The following FBXL7 variants were observed in gnomAD, a reference collection of about 807,000 sequenced individuals.
The protein encoded by FBXL7 is F-box/LRR-repeat protein 7.
A neutral mutation model predicts 38.3 loss-of-function variants in FBXL7; 12 were observed. The ratio of observed to expected loss-of-function variants is 0.31; its 90% CI spans 0.20 to 0.51. The LOEUF is 0.51. FBXL7 is among the 20% of genes least tolerant of loss of function. The probability of loss-of-function intolerance (pLI) is 0.98; values close to 1 mark genes in which losing one functional copy is unlikely to be tolerated. For synonymous variants in FBXL7, 297 were observed against 300.9 expected (o/e 0.99, Z 0.13); for missense variants, 567 against 676.4 (o/e 0.84, Z 1.79).
At chr5:15,934,521 AT>A (rs1045321523) in intron 3 of FBXL7, among the ~76,000 whole-genome samples, 6 of 152,158 alleles carry the variant, frequency 3.9e-5, no homozygotes, top group East Asian at 1.9e-4. Context: ...ATGCATACAT[AT>A]TTTTTAGGAG....
chr5:15,568,011 G>A (rs539769487), intron 1 of FBXL7, among the ~76,000 whole-genome samples: 66 of 152,110 alleles, frequency 4.3e-4, no homozygotes, highest in Admixed American at 1.6e-3. Context: ...GGACATTTGG[G>A]TTGGTTCCAA....
At chr5:15,706,764 A>T (rs371006973) in intron 2 of FBXL7, among the ~76,000 whole-genome samples, 1 of 152,300 alleles carries the variant, frequency 6.6e-6, no homozygotes, top group South Asian at 2.1e-4. Flanking sequence ...GTCTGATTTA[A>T]ATAATGGGTG....
intron 1 of FBXL7, among the ~76,000 whole-genome samples, chr5:15,613,646 G>A (rs1457819130): frequency 2.0e-5 from 3 of 152,058 alleles, no homozygotes; most frequent in African/African-American, 4.8e-5. Context: ...CTCCTCAAGT[G>A]ATATTAACCA....
At chr5:15,815,365 G>A (rs1338636788) in intron 2 of FBXL7, among the ~76,000 whole-genome samples, 3 of 152,162 alleles carry the variant, frequency 2.0e-5, no homozygotes, top group Non-Finnish European at 2.9e-5. Context: ...CTTTATGGAC[G>A]CATTATGCAG....
chr5:15,704,199 T>C (rs1743612207), intron 2 of FBXL7, among the ~76,000 whole-genome samples: 1 of 152,188 alleles, frequency 6.6e-6, no homozygotes, highest in African/African-American at 2.4e-5. Flanking sequence ...AGTCACCAAA[T>C]TTAAATGTTG....
At chr5:15,747,664 G>C (rs1159808676) in intron 2 of FBXL7, among the ~76,000 whole-genome samples, 2 of 152,192 alleles carry the variant, frequency 1.3e-5, no homozygotes, top group Non-Finnish European at 2.9e-5. Flanking sequence ...AAATATCTAT[G>C]CACAATGGTT....
intron 2 of FBXL7, among the ~76,000 whole-genome samples, chr5:15,628,871 A>G (rs757031187): frequency 3.3e-5 from 5 of 152,096 alleles, no homozygotes; most frequent in Non-Finnish European, 7.4e-5. Context: ...ATTTCCTGCT[A>G]TAAAACCACC....
At position 15,673,356 on chromosome 5, in the gene FBXL7, A is replaced by G. The variant is rs55881931; in HGVS notation, c.127+57284A>G. ...AGAAAAAAAACCATTGAAGTTAGAG[A>G]AAAATGCTAAATAATCAGATTGAAA... is the stretch of plus-strand genomic sequence containing the variant. On this transcript the variant is annotated intron_variant, in intron 2 of 3. Transcript: ENST00000504595. Among the ~76,000 whole-genome samples, 1,205 of 152,216 alleles carry G rather than the reference A, an allele frequency of 7.9e-3. 7 individuals carry two copies. The highest frequency in any genetic ancestry group is 0.011 in the Non-Finnish European group (776 of 67,994).
chr5:15,603,857 C>A (rs1236486877), intron 1 of FBXL7, among the ~76,000 whole-genome samples: 1 of 152,106 alleles, frequency 6.6e-6, no homozygotes, highest in East Asian at 1.9e-4. Context: ...ACGTGTGGGG[C>A]CAGGTGTGGT....
intron 2 of FBXL7, among the ~76,000 whole-genome samples, chr5:15,737,116 C>G (rs1735777308): frequency 6.6e-6 from 1 of 152,088 alleles, no homozygotes; most frequent in Non-Finnish European, 1.5e-5. Context: ...AGCCCCAGCC[C>G]CCTCATTCCA....
intron 2 of FBXL7, among the ~76,000 whole-genome samples, chr5:15,737,666 A>G (rs1561106340): frequency 6.6e-6 from 1 of 152,216 alleles, no homozygotes; most frequent in Non-Finnish European, 1.5e-5. Flanking sequence ...CTTCATGGTA[A>G]TCGTGGAGAT....
chr5:15,733,495 A>G (rs1235572735), intron 2 of FBXL7, among the ~76,000 whole-genome samples: 1 of 152,242 alleles, frequency 6.6e-6, no homozygotes, highest in Non-Finnish European at 1.5e-5. Context: ...CATGAATCTG[A>G]CAAATATTCA....
At chr5:15,774,973 C>A (rs968274401) in intron 2 of FBXL7, among the ~76,000 whole-genome samples, 1 of 152,158 alleles carries the variant, frequency 6.6e-6, no homozygotes, top group Admixed American at 6.5e-5. Context: ...AGTGCCTGAG[C>A]ATTAAATGGA....
Position 15,652,678 on chromosome 5 carries a change from A to T in FBXL7, c.127+36606A>T, listed in dbSNP as rs536023250. On this transcript the variant is annotated intron_variant, in intron 2 of 3. Transcript: ENST00000504595. ...GATGTGTGACTCTTCCCATCACTTG[A>T]ATACTTAGAAGCCATGATAGGGTTA... Among the ~76,000 whole-genome samples, 17 of 152,298 alleles carry T rather than the reference A, an allele frequency of 1.1e-4. No individual in the cohort carries two copies. The East Asian group carries it at 3.3e-3, about 29-fold the overall frequency.
At chr5:15,531,239 A>G (rs1366433145) in intron 1 of FBXL7, among the ~76,000 whole-genome samples, 2 of 152,224 alleles carry the variant, frequency 1.3e-5, no homozygotes, top group African/African-American at 4.8e-5. Context: ...AAGACAATAG[A>G]TTAAAATGAA....
At chr5:15,755,616 T>G (rs1736277786) in intron 2 of FBXL7, among the ~76,000 whole-genome samples, 1 of 152,208 alleles carries the variant, frequency 6.6e-6, no homozygotes, top group East Asian at 1.9e-4. Context: ...AAGCCTCAGT[T>G]TGTAATTTAA....
intron 1 of FBXL7, among the ~76,000 whole-genome samples, chr5:15,588,439 T>C (rs1328135082): frequency 6.7e-6 from 1 of 149,406 alleles, no homozygotes; most frequent in Non-Finnish European, 1.5e-5. Context: ...CAGGCTGGAG[T>C]GCAGTGGCAC....
Position 15,713,095 on chromosome 5 carries a change from C to T in FBXL7, c.127+97023C>T, listed in dbSNP as rs148319286. Among the ~76,000 whole-genome samples, 5 of 152,262 alleles carry T rather than the reference C, an allele frequency of 3.3e-5. No individual in the cohort carries two copies. In the East Asian group the frequency reaches 9.6e-4, roughly 29 times the overall value. ...TGTTCTCATGCTGCTTATAAAGACA[C>T]ACCTGAGACCGGGCAATTTATGAAG... On this transcript the variant is annotated intron_variant, in intron 2 of 3. Transcript: ENST00000504595.
intron 1 of FBXL7, among the ~76,000 whole-genome samples, chr5:15,554,155 C>T (rs1738165970): frequency 6.6e-6 from 1 of 152,124 alleles, no homozygotes; most frequent in Non-Finnish European, 1.5e-5. Flanking sequence ...GCCAGAGCCT[C>T]CTGGTTCCCA....
Sources: gnomAD v4.1 joint callset for allele counts (sites outside exome capture counted in the v4.1 genomes callset) on GRCh38, gnomAD v4.1.1 for gene constraint, MANE v1.5 for transcripts, NCBI Gene and HGNC (gene_info 2026-07-23, HGNC 2026-07-21) for gene names.